Variants in SOD2 observed in about 807,000 individuals in gnomAD.
SOD2 encodes superoxide dismutase 2.
In SOD2, 11 loss-of-function variants were observed where a neutral mutation model predicts 27.0. The ratio of observed to expected loss-of-function variants is 0.41; its 90% CI spans 0.26 to 0.67. The LOEUF (loss-of-function observed/expected upper bound fraction) is 0.67, where lower values mean the gene tolerates loss of function less well. Among genes scored for constraint, SOD2 ranks in the 30% least tolerant of loss-of-function variants. The pLI is 0.34. For missense variants in SOD2, 250 were observed against 274.5 expected, an observed-to-expected ratio of 0.91 and a Z score of 0.63; for synonymous variants, 105 against 103.0, an observed-to-expected ratio of 1.02 and a Z score of -0.12.
intron 1 of SOD2, 45 bp downstream of exon 1, chr6:159,693,100 G>A: frequency 6.6e-7 from 1 of 1,519,492 alleles, no homozygotes. Flanking sequence ...CCCGCCGCGA[G>A]CCCCTTCGCC....
upstream of SOD2, chr6:159,749,030 A>G (rs1779723049): frequency 9.0e-6 from 9 of 996,608 alleles, no homozygotes; most frequent in South Asian, 3.3e-4. Flanking sequence ...TAGCGCATAT[A>G]TTTAACCATT....
At chr6:159,692,391 C>G (rs912528730) in intron 2 of SOD2, 12 of 1,362,144 alleles carry the variant, frequency 8.8e-6, no homozygotes, top group Admixed American at 3.6e-5. Flanking sequence ...ATATGTGTAA[C>G]GGAATGTGGC....
intron 1 of SOD2, among the ~76,000 whole-genome samples, chr6:159,717,895 ATATG>A (rs1245285681): frequency 1.3e-5 from 1 of 78,466 alleles, no homozygotes; most frequent in African/African-American, 4.4e-5. Context: ...ATATGTATGG[ATATG>A]TGTGTGTGTG....
chr6:159,751,343 A>G (rs572643714), intron 1 of SOD2, among the ~76,000 whole-genome samples: 3 of 152,310 alleles, frequency 2.0e-5, no homozygotes, highest in South Asian at 4.1e-4. Flanking sequence ...TGTATCTTAC[A>G]GTTGTCTTTT....
upstream of SOD2, among the ~76,000 whole-genome samples, chr6:159,747,875 T>A (rs9347338): frequency 0.24 from 32,063 of 135,514 alleles, 3,528 homozygotes; most frequent in East Asian, 0.41. Flanking sequence ...CCTCAATTCC[T>A]AAGTGAGTAA....
At chr6:159,745,018 C>T (rs1410213637) in intron 1 of SOD2, 1 of 152,168 alleles carries the variant, frequency 6.6e-6, no homozygotes, top group East Asian at 1.9e-4. Flanking sequence ...ACATTTTGTC[C>T]TTTTGTTTCT....
rs573928396 is a variant in SOD2, at chr6:159,670,865, C to G, written c.*11628G>C. The stretch of plus-strand genomic sequence containing the variant: ...CCAAGGGAAGCTGTGACAGACGGCA[C>G]CTGGAAAATTGGGTCACTCCCACCC... On this transcript the variant is annotated 3_prime_UTR_variant, in exon 5 of 5. Transcript: ENST00000538183. 6.6e-6 allele frequency: 1 copy of G among 152,216 alleles called. No individual in the cohort carries two copies. The highest frequency in any genetic ancestry group is 2.4e-5 in the African/African-American group (1 of 41,434). 9.4% of individuals were successfully genotyped at this position (152,216 alleles called of 1,614,324 possible). A position where few individuals can be genotyped will look rare whatever the true frequency, so the allele number is the denominator to read the frequency against.
intron 1 of SOD2, among the ~76,000 whole-genome samples, chr6:159,706,202 G>A (rs536598156): frequency 1.3e-5 from 2 of 152,182 alleles, no homozygotes; most frequent in South Asian, 2.1e-4. Flanking sequence ...GGAAGAAACT[G>A]CATCAACTAA....
intron 1 of SOD2, among the ~76,000 whole-genome samples, chr6:159,743,079 G>A (rs554760101): frequency 1.9e-4 from 29 of 152,306 alleles, no homozygotes; most frequent in African/African-American, 6.3e-4. Flanking sequence ...ACAGGGTCTC[G>A]CACTGTTGCC....
chr6:159,731,197 C>T (rs1778548139), upstream of SOD2, among the ~76,000 whole-genome samples: 1 of 151,392 alleles, frequency 6.6e-6, no homozygotes, highest in South Asian at 2.1e-4. Context: ...CATGGTGGCT[C>T]ACAACTGTAG....
intron 1 of SOD2, among the ~76,000 whole-genome samples, chr6:159,723,680 T>G (rs1489588650): frequency 1.3e-5 from 2 of 151,748 alleles, no homozygotes; most frequent in Non-Finnish European, 3.0e-5. Flanking sequence ...AGAAAACCCC[T>G]CTGTTTGTGG....
intron 1 of SOD2, among the ~76,000 whole-genome samples, chr6:159,743,327 G>C: frequency 6.6e-6 from 1 of 152,352 alleles, no homozygotes; most frequent in Non-Finnish European, 1.5e-5. Context: ...GATTACAGGC[G>C]TGAGCCTCTG....
intron 1 of SOD2, among the ~76,000 whole-genome samples, chr6:159,758,020 A>C (rs775493151): frequency 6.6e-6 from 1 of 152,212 alleles, no homozygotes; most frequent in Non-Finnish European, 1.5e-5. Flanking sequence ...TGAATAACTC[A>C]GAGCACTTAT....
rs1475450757 is a variant in SOD2, at chr6:159,681,849, C to A, written c.*644G>T. 2.6e-5 allele frequency: 4 copies of A among 152,216 alleles called. No homozygotes were observed. The highest frequency in any genetic ancestry group is 9.6e-5 in the African/African-American group (4 of 41,456). 9.4% of individuals were successfully genotyped at this position (152,216 alleles called of 1,614,324 possible). A position where few individuals can be genotyped will look rare whatever the true frequency, so the allele number is the denominator to read the frequency against. On this transcript the variant is annotated 3_prime_UTR_variant, in exon 5 of 5. Transcript: ENST00000538183. ...TTGGCGCCCTGCAAATAAACATCCT[C>A]CTTTCTCCTACTGCAAAAACCACCT...
At chr6:159,739,326 T>G (rs1779103148) in intron 1 of SOD2, among the ~76,000 whole-genome samples, 1 of 152,240 alleles carries the variant, frequency 6.6e-6, no homozygotes, top group Admixed American at 6.5e-5. Flanking sequence ...AATGTAATCC[T>G]AAAAGATGCA....
intron 1 of SOD2, among the ~76,000 whole-genome samples, chr6:159,751,291 TTG>T (rs1160019244): frequency 6.6e-6 from 1 of 152,222 alleles, no homozygotes; most frequent in East Asian, 1.9e-4. Flanking sequence ...GCATTAGAAT[TTG>T]TGACATTTTT....
At position 159,704,939 on chromosome 6, in the gene SOD2, C is replaced by T. The variant is rs571424832; in HGVS notation, c.-115-12076G>A. 4.6e-5 allele frequency among the ~76,000 whole-genome samples: 7 copies of T among 152,310 alleles called. No homozygotes were observed. In the South Asian group the frequency reaches 6.2e-4, roughly 14 times the overall value. On this transcript the variant is annotated intron_variant, in intron 1 of 2. Coordinates refer to the SOD2 transcript ENST00000401980. Reference sequence around the variant, plus strand: ...CTCTGAGAGGAAACCTCCAGAGGAACGATCAGGCAGCAACATTTGCTGTTC... The same window carrying T: ...CTCTGAGAGGAAACCTCCAGAGGAATGATCAGGCAGCAACATTTGCTGTTC...
chr6:159,709,881 T>G (rs923846775), intron 1 of SOD2, among the ~76,000 whole-genome samples: 3 of 151,962 alleles, frequency 2.0e-5, no homozygotes, highest in East Asian at 1.9e-4. Context: ...TGTCCAACAA[T>G]GATAGACTGG....
At chr6:159,691,913 C>G (rs1159611052) in intron 2 of SOD2, 6 of 152,194 alleles carry the variant, frequency 3.9e-5, no homozygotes, top group African/African-American at 1.4e-4. Context: ...TAGGTTACTG[C>G]TTTTTTGGTA....
Sources: gnomAD v4.1 joint callset for allele counts (sites outside exome capture counted in the v4.1 genomes callset) on GRCh38, gnomAD v4.1.1 for gene constraint, MANE v1.5 for transcripts, NCBI Gene and HGNC (gene_info 2026-07-23, HGNC 2026-07-21) for gene names.